Variants in SIPA1L1 observed in about 807,000 individuals in gnomAD.
SIPA1L1 encodes signal induced proliferation associated 1 like 1, also known as signal-induced proliferation-associated 1-like protein 1.
SIPA1L1 carries 26 observed loss-of-function variants against 162.7 expected under a neutral mutation model. The ratio of observed to expected loss-of-function variants is 0.16; its 90% confidence interval spans 0.12 to 0.22. The LOEUF is 0.22. Among genes scored for constraint, SIPA1L1 ranks in the 10% least tolerant of loss-of-function variants. The pLI, the probability that SIPA1L1 is intolerant of heterozygous loss-of-function variation, is 1.00. For missense variants in SIPA1L1, 1,874 were observed against 2,241.0 expected (o/e 0.84, Z 3.31); for synonymous variants, 829 against 837.4 (o/e 0.99, Z 0.17).
chr14:71,476,724 C>G (rs2047893622), intron 2 of SIPA1L1, among the ~76,000 whole-genome samples: 1 of 151,598 alleles, frequency 6.6e-6, no homozygotes, highest in Admixed American at 6.6e-5. Flanking sequence ...GTTGCCCAGG[C>G]TGGAGTGCAG....
At chr14:71,463,116 T>A (rs1260575823) in intron 2 of SIPA1L1, among the ~76,000 whole-genome samples, 4 of 152,224 alleles carry the variant, frequency 2.6e-5, no homozygotes, top group Non-Finnish European at 5.9e-5. Flanking sequence ...CATCCCTGCG[T>A]CTTTCAAGTC....
chr14:71,408,343 A>T (rs990059278), intron 2 of SIPA1L1, among the ~76,000 whole-genome samples: 4 of 151,988 alleles, frequency 2.6e-5, no homozygotes, highest in East Asian at 1.9e-4. Flanking sequence ...CACTAATTTC[A>T]TGTTTCATGC....
intron 4 of SIPA1L1, among the ~76,000 whole-genome samples, chr14:71,582,812 A>C (rs1418755612): frequency 6.6e-6 from 1 of 152,236 alleles, no homozygotes; most frequent in Middle Eastern, 3.2e-3. Flanking sequence ...GGGAGAATAC[A>C]GAAATGAAAG....
chr14:71,480,274 G>T (rs1317643995), intron 2 of SIPA1L1, among the ~76,000 whole-genome samples: 1 of 150,994 alleles, frequency 6.6e-6, no homozygotes, highest in Non-Finnish European at 1.5e-5. Context: ...TAGTAGAGAC[G>T]GGTTTTTGCC....
At chr14:71,481,257 T>C (rs1230087745) in intron 2 of SIPA1L1, among the ~76,000 whole-genome samples, 2 of 152,134 alleles carry the variant, frequency 1.3e-5, no homozygotes, top group African/African-American at 4.8e-5. Context: ...GGTGGGTGGA[T>C]AGCTTGAACT....
At chr14:71,428,474 A>G (rs76190014) in intron 2 of SIPA1L1, among the ~76,000 whole-genome samples, 2,239 of 151,462 alleles carry the variant, frequency 0.015, 67 homozygotes, top group African/African-American at 0.051. Flanking sequence ...GTCTTTTCAG[A>G]TATTTTCTGA....
intron 2 of SIPA1L1, among the ~76,000 whole-genome samples, chr14:71,429,242 T>C (rs1230098958): frequency 1.3e-5 from 2 of 152,196 alleles, no homozygotes; most frequent in Non-Finnish European, 2.9e-5. Flanking sequence ...AAGGTTTGAG[T>C]GCCTGTTTCC....
intron 2 of SIPA1L1, among the ~76,000 whole-genome samples, chr14:71,481,908 T>C (rs2048381321): frequency 6.6e-6 from 1 of 152,204 alleles, no homozygotes; most frequent in East Asian, 1.9e-4. Flanking sequence ...AATACAAAGA[T>C]GGAAGATAGT....
intron 2 of SIPA1L1, among the ~76,000 whole-genome samples, chr14:71,431,738 T>C (rs1292681405): frequency 6.6e-6 from 1 of 152,010 alleles, no homozygotes; most frequent in Non-Finnish European, 1.5e-5. Flanking sequence ...GAAAGCCAAG[T>C]TGGACTTCAT....
At chr14:71,354,611 G>A (rs911860803) in intron 2 of SIPA1L1, among the ~76,000 whole-genome samples, 4 of 151,960 alleles carry the variant, frequency 2.6e-5, no homozygotes, top group Admixed American at 1.3e-4. Context: ...AAAAAAGACT[G>A]TGTGTGCCAG....
chr14:71,650,756 G>C (rs561235790), intron 8 of SIPA1L1, among the ~76,000 whole-genome samples: 1 of 152,270 alleles, frequency 6.6e-6, no homozygotes, highest in Admixed American at 6.5e-5. Flanking sequence ...CAGTGACACA[G>C]ATCGTGCAGA....
At chr14:71,678,866 G>A (rs563465559) in intron 12 of SIPA1L1, among the ~76,000 whole-genome samples, 11 of 151,668 alleles carry the variant, frequency 7.3e-5, no homozygotes, top group African/African-American at 2.4e-4. Context: ...TTTAGTCTTG[G>A]GAGAAGAGAA....
At chr14:71,727,605 A>G (rs1354504797) in intron 19 of SIPA1L1, among the ~76,000 whole-genome samples, 1 of 152,176 alleles carries the variant, frequency 6.6e-6, no homozygotes, top group Non-Finnish European at 1.5e-5. Flanking sequence ...AGCACAAGTT[A>G]GAACCAGCCC....
intron 5 of SIPA1L1, among the ~76,000 whole-genome samples, chr14:71,590,225 G>A (rs1466348285): frequency 6.6e-6 from 1 of 151,660 alleles, no homozygotes; most frequent in Admixed American, 6.6e-5. Flanking sequence ...TTTGAGCAGC[G>A]TTAATTAAGG....
intron 5 of SIPA1L1, among the ~76,000 whole-genome samples, chr14:71,605,927 G>A (rs999755464): frequency 1.3e-5 from 2 of 152,168 alleles, no homozygotes; most frequent in Non-Finnish European, 2.9e-5. Flanking sequence ...CTGGGAAGCA[G>A]GCATGATAGG....
At chr14:71,411,051 T>G (rs542261612) in intron 2 of SIPA1L1, among the ~76,000 whole-genome samples, 2 of 152,310 alleles carry the variant, frequency 1.3e-5, no homozygotes, top group South Asian at 4.1e-4. Context: ...AAAAGAACTT[T>G]TGAAAACTCA....
intron 22 of SIPA1L1, chr14:71,735,676 A>G: frequency 3.4e-6 from 1 of 298,050 alleles, no homozygotes. Flanking sequence ...AGGAGAGACC[A>G]TTTGCTCTAA....
chr14:71,334,453 T>C (rs1034988040), intron 2 of SIPA1L1, among the ~76,000 whole-genome samples: 1 of 152,156 alleles, frequency 6.6e-6, no homozygotes, highest in African/African-American at 2.4e-5. Flanking sequence ...CCTCCTGCAA[T>C]TCCTGGGCAG....
At chr14:71,419,880 A>G (rs1251389949) in intron 2 of SIPA1L1, among the ~76,000 whole-genome samples, 1 of 152,012 alleles carries the variant, frequency 6.6e-6, no homozygotes, top group East Asian at 1.9e-4. Context: ...AATTAGCTGG[A>G]CATGGTGGCA....
Sources: gnomAD v4.1 joint callset for allele counts (sites outside exome capture counted in the v4.1 genomes callset) on GRCh38, gnomAD v4.1.1 for gene constraint, MANE v1.5 for transcripts, NCBI Gene and HGNC (gene_info 2026-07-23, HGNC 2026-07-21) for gene names.